FAM13A: variants seen among roughly 807,000 people sequenced by gnomAD.
FAM13A encodes the protein protein FAM13A.
In FAM13A, 76 loss-of-function variants were observed where a neutral mutation model predicts 129.6. The observed-to-expected ratio is 0.59, with a 90% CI of 0.49 to 0.71. FAM13A has a LOEUF of 0.71. Among genes scored for constraint, FAM13A ranks in the 30% least tolerant of loss-of-function variants. The pLI is 0.00. For synonymous variants in FAM13A, 443 were observed against 449.9 expected (o/e 0.98, Z 0.20); for missense variants, 1,108 against 1,249.3 (o/e 0.89, Z 1.70).
chr4:89,038,052 G>T (rs552365871), intron 1 of FAM13A, among the ~76,000 whole-genome samples: 40 of 152,178 alleles, frequency 2.6e-4, no homozygotes, highest in Admixed American at 5.2e-4. Flanking sequence ...CATAACCCCA[G>T]ATCCTTAAGG....
At chr4:89,049,179 C>T (rs1467411249) in intron 1 of FAM13A, among the ~76,000 whole-genome samples, 4 of 151,934 alleles carry the variant, frequency 2.6e-5, no homozygotes, top group Non-Finnish European at 5.9e-5. Flanking sequence ...GGGAGGATTG[C>T]TTGAGCCCAG....
chr4:88,952,686 G>A (rs1481723044), intron 4 of FAM13A, among the ~76,000 whole-genome samples: 2 of 152,066 alleles, frequency 1.3e-5, no homozygotes, highest in Non-Finnish European at 2.9e-5. Flanking sequence ...AGTGGCTCAC[G>A]CCTGTAATCC....
chr4:88,791,687 T>C (rs1437059470), intron 8 of FAM13A, among the ~76,000 whole-genome samples: 2 of 152,126 alleles, frequency 1.3e-5, no homozygotes, highest in African/African-American at 4.8e-5. Context: ...CCAATATTGA[T>C]AGTTGTCTTT....
At chr4:89,002,529 TTGA>T (rs1300370959) in intron 3 of FAM13A, among the ~76,000 whole-genome samples, 1 of 152,200 alleles carries the variant, frequency 6.6e-6, no homozygotes. Flanking sequence ...AGCCCTGCTC[TTGA>T]TGAACTCAGT....
intron 6 of FAM13A, among the ~76,000 whole-genome samples, chr4:88,854,740 A>AT (rs796140513): frequency 5.3e-5 from 8 of 152,362 alleles, no homozygotes; most frequent in African/African-American, 1.9e-4. Context: ...AAAAGAATAC[A>AT]TTCCATGCAT....
intron 7 of FAM13A, among the ~76,000 whole-genome samples, chr4:88,816,797 A>G (rs1015711296): frequency 4.6e-5 from 7 of 152,188 alleles, no homozygotes; most frequent in Non-Finnish European, 7.4e-5. Context: ...TCACTGAACA[A>G]GTCATTTTGT....
At chr4:88,820,209 G>A (rs1731618761) in intron 7 of FAM13A, among the ~76,000 whole-genome samples, 1 of 152,126 alleles carries the variant, frequency 6.6e-6, no homozygotes, top group African/African-American at 2.4e-5. Flanking sequence ...GTACAAACAT[G>A]CCCCTAATAA....
intron 4 of FAM13A, among the ~76,000 whole-genome samples, chr4:88,959,968 A>G (rs1054763268): frequency 3.3e-5 from 5 of 152,134 alleles, no homozygotes; most frequent in Admixed American, 6.5e-5. Context: ...TCCATTATAC[A>G]CAGTAGAAGT....
At chr4:88,889,176 G>A (rs1245702832) in intron 6 of FAM13A, among the ~76,000 whole-genome samples, 1 of 152,210 alleles carries the variant, frequency 6.6e-6, no homozygotes, top group Non-Finnish European at 1.5e-5. Flanking sequence ...GTGTGTTTGT[G>A]TACTGAAGTG....
intron 3 of FAM13A, among the ~76,000 whole-genome samples, chr4:89,002,644 G>A (rs1560745243): frequency 6.6e-6 from 1 of 152,142 alleles, no homozygotes; most frequent in Non-Finnish European, 1.5e-5. Flanking sequence ...AGTGAAGTAT[G>A]CCAAGAGACA....
In FAM13A at chr4:88,767,621, A is replaced by T. The variant is rs754665023; in HGVS notation, c.1536-26T>A. ...CTATAAATAATGGCAACAACAAAAA[A>T]ATCATAAAATATCTACTTGTTTTAT... On this transcript the variant is annotated intron_variant, in intron 12 of 23. Coordinates refer to ENST00000264344, the MANE Select transcript of FAM13A (RefSeq NM_014883.4). The T allele has an allele frequency of 1.9e-6, 3 of 1,543,864 alleles. No homozygotes were observed. In the South Asian group the frequency reaches 3.5e-5, roughly 18 times the overall value.
chr4:88,752,879 G>C (rs1742911588), intron 14 of FAM13A, among the ~76,000 whole-genome samples: 1 of 152,220 alleles, frequency 6.6e-6, no homozygotes, highest in African/African-American at 2.4e-5. Context: ...CTTTCCCCAG[G>C]AGAGGGAAAG....
Position 88,876,475 on chromosome 4 carries a change from A to G in FAM13A, c.844-25292T>C, listed in dbSNP as rs111414203. Among the ~76,000 whole-genome samples the G allele has an allele frequency of 6.5e-3, 993 of 152,250 alleles. 12 individuals are homozygous for G. Among genetic ancestry groups the G allele is most frequent in the African/African-American group, 0.023 (948 of 41,544 alleles). ...CTCTGCCCAATATCAGACTAACATA[A>G]TAATAAAAAACGATGTAAAACAGAA... On this transcript the variant is annotated intron_variant, in intron 6 of 23. Coordinates refer to ENST00000264344, the MANE Select transcript of FAM13A (RefSeq NM_014883.4).
intron 1 of FAM13A, among the ~76,000 whole-genome samples, chr4:89,039,207 G>C (rs959625609): frequency 6.6e-6 from 1 of 152,160 alleles, no homozygotes; most frequent in African/African-American, 2.4e-5. Context: ...TTCTAACACA[G>C]TATCAGCCTG....
At chr4:88,988,497 G>A (rs1762542816) in intron 4 of FAM13A, among the ~76,000 whole-genome samples, 1 of 152,122 alleles carries the variant, frequency 6.6e-6, no homozygotes, top group African/African-American at 2.4e-5. Context: ...GCTGAGGTCT[G>A]CAACTTAGTT....
At chr4:88,791,714 T>G (rs1725198305) in intron 8 of FAM13A, among the ~76,000 whole-genome samples, 1 of 152,104 alleles carries the variant, frequency 6.6e-6, no homozygotes, top group Non-Finnish European at 1.5e-5. Flanking sequence ...CTCCAAACAT[T>G]CTAATTTATA....
intron 16 of FAM13A, 122 bp downstream of exon 16, chr4:88,749,649 C>CTTTTT: frequency 1.0e-6 from 1 of 992,024 alleles, no homozygotes; most frequent in African/African-American, 1.6e-5. Context: ...GGTTTACTGC[C>CTTTTT]TTTTTGTTGT....
At chr4:88,982,907 C>T (rs570072837) in intron 4 of FAM13A, among the ~76,000 whole-genome samples, 1 of 152,202 alleles carries the variant, frequency 6.6e-6, no homozygotes, top group South Asian at 2.1e-4. Flanking sequence ...CTGCTTATGG[C>T]TCATGGCTAA....
chr4:89,039,507 T>C (rs1769821356), intron 1 of FAM13A, among the ~76,000 whole-genome samples: 1 of 152,188 alleles, frequency 6.6e-6, no homozygotes, highest in East Asian at 1.9e-4. Flanking sequence ...TAGAAGAAAC[T>C]GGGAAGTAAG....
Sources: allele counts gnomAD v4.1 joint callset (sites outside exome capture counted in the v4.1 genomes callset), GRCh38; gene constraint gnomAD v4.1.1; transcripts MANE v1.5; gene names NCBI Gene and HGNC (gene_info 2026-07-23, HGNC 2026-07-21).